Variants in ARHGAP20 observed in about 807,000 individuals in gnomAD.
ARHGAP20 encodes Rho GTPase activating protein 20, also known as rho GTPase-activating protein 20.
Under a neutral mutation model 73.7 loss-of-function variants are expected in ARHGAP20, and 34 were observed. That is an observed-to-expected ratio of 0.46 (90% CI 0.35 to 0.61). The LOEUF (loss-of-function observed/expected upper bound fraction) is 0.61. ARHGAP20 is among the 20% of genes least tolerant of loss of function. ARHGAP20 has a pLI of 0.00. For synonymous variants in ARHGAP20, 523 were observed against 518.2 expected (o/e 1.01, Z -0.13); for missense variants, 1,314 against 1,420.9 (o/e 0.92, Z 1.21).
At chr11:110,713,059 A>G (rs566230929), upstream of ARHGAP20, 9 of 152,430 alleles carry the variant, frequency 5.9e-5, no homozygotes, top group South Asian at 6.2e-4. Context: ...CGGCCCCTGC[A>G]CATTTGCACC....
rs1038478842 is a variant in ARHGAP20, at chr11:110,578,192, A to G, written c.*1178T>C. On this transcript the variant is annotated 3_prime_UTR_variant, in exon 15 of 15. Coordinates refer to ENST00000683387, the MANE Select transcript of ARHGAP20 (RefSeq NM_001384657.1). Reference sequence around the variant, plus strand: ...ATATAAAATAAACCAATGGGGTATAAGCCATGAAACATTTGGGGCAAAAAT... The same window carrying G: ...ATATAAAATAAACCAATGGGGTATAGGCCATGAAACATTTGGGGCAAAAAT... 1 of 985,388 alleles carries G rather than the reference A, an allele frequency of 1.0e-6. No homozygotes were observed. Among genetic ancestry groups the G allele is most frequent in the African/African-American group, 1.7e-5 (1 of 57,264 alleles). 61.0% of individuals were successfully genotyped at this position (985,388 alleles called of 1,614,324 possible).
intron 2 of ARHGAP20, among the ~76,000 whole-genome samples, chr11:110,688,539 A>G (rs1390034312): frequency 1.3e-5 from 2 of 152,242 alleles, no homozygotes; most frequent in African/African-American, 4.8e-5. Context: ...ATTTATTTTT[A>G]CATCTATAGT....
At chr11:110,593,290 T>C (rs1947874032) in intron 9 of ARHGAP20, among the ~76,000 whole-genome samples, 1 of 152,188 alleles carries the variant, frequency 6.6e-6, no homozygotes, top group Non-Finnish European at 1.5e-5. Flanking sequence ...TTGGTGTCAT[T>C]TGTGTCTAAT....
chr11:110,705,260 T>C (rs1049015461), intron 1 of ARHGAP20, among the ~76,000 whole-genome samples: 3 of 152,160 alleles, frequency 2.0e-5, no homozygotes, highest in Non-Finnish European at 4.4e-5. Context: ...TTCATTTCTG[T>C]AGGTACCATC....
chr11:110,627,112 G>C (rs1202154993), intron 3 of ARHGAP20, among the ~76,000 whole-genome samples: 2 of 151,932 alleles, frequency 1.3e-5, no homozygotes, highest in Non-Finnish European at 2.9e-5. Flanking sequence ...TTTTGAGACA[G>C]AGTTTCGCTC....
intron 11 of ARHGAP20, among the ~76,000 whole-genome samples, chr11:110,587,560 C>T (rs1253933457): frequency 1.3e-5 from 2 of 152,212 alleles, no homozygotes; most frequent in African/African-American, 4.8e-5. Context: ...TGCTTATGAG[C>T]TCCTCCAGGG....
At chr11:110,642,847 A>G (rs552463122) in intron 2 of ARHGAP20, among the ~76,000 whole-genome samples, 3 of 152,244 alleles carry the variant, frequency 2.0e-5, no homozygotes, top group African/African-American at 7.2e-5. Context: ...GAATAGTTTC[A>G]GTAGAACTGG....
chr11:110,659,836 T>C (rs1433616074), intron 2 of ARHGAP20, among the ~76,000 whole-genome samples: 1 of 150,326 alleles, frequency 6.7e-6, no homozygotes, highest in Non-Finnish European at 1.5e-5. Context: ...TTCTCACTCA[T>C]CGGTGGGAAC....
Position 110,606,552 on chromosome 11 carries a change from G to A in ARHGAP20, c.964+9C>T. The A allele has an allele frequency of 6.2e-7, 1 of 1,600,466 alleles. No individual in the cohort carries two copies. The highest frequency in any genetic ancestry group is 2.3e-5 in the East Asian group (1 of 43,872). ...TCAAGAACGAAAACTTTTGCTAGAA[G>A]CAACTCACCACTCAGTTGCTGGGCT... is the stretch of plus-strand genomic sequence containing the variant. On this transcript the variant is annotated intron_variant, in intron 9 of 14. Coordinates refer to ENST00000683387, the MANE Select transcript of ARHGAP20 (RefSeq NM_001384657.1).
intron 3 of ARHGAP20, among the ~76,000 whole-genome samples, chr11:110,629,723 A>T (rs1451650222): frequency 6.6e-6 from 1 of 152,212 alleles, no homozygotes; most frequent in African/African-American, 2.4e-5. Context: ...ACACGTGGAG[A>T]GGAACTCAAG....
intron 2 of ARHGAP20, among the ~76,000 whole-genome samples, chr11:110,641,613 TC>T (rs1014113553): frequency 6.6e-6 from 1 of 150,952 alleles, no homozygotes; most frequent in Non-Finnish European, 1.5e-5. Context: ...TTTGTTTTCT[TC>T]CCCCCCAACC....
At chr11:110,711,384 C>T (rs1288603828) in intron 1 of ARHGAP20, among the ~76,000 whole-genome samples, 1 of 151,788 alleles carries the variant, frequency 6.6e-6, no homozygotes, top group African/African-American at 2.4e-5. Flanking sequence ...TCCCCCACCT[C>T]AGCCCTCAGG....
chr11:110,599,995 G>A (rs1948070949), intron 9 of ARHGAP20, among the ~76,000 whole-genome samples: 1 of 152,198 alleles, frequency 6.6e-6, no homozygotes, highest in African/African-American at 2.4e-5. Context: ...CACTTGATGG[G>A]GCACCCTGGC....
rs981827528 is a variant in ARHGAP20, at chr11:110,624,674, G to A, written c.354-363C>T. ...AATTTATGGGAGTTTCTGTACTTGTGATAAAAGGACCATTTTCACTAATCA... is the reference window on the plus strand; with the variant it reads ...AATTTATGGGAGTTTCTGTACTTGTAATAAAAGGACCATTTTCACTAATCA... On this transcript the variant is annotated intron_variant, in intron 3 of 14. Coordinates refer to ENST00000683387, the MANE Select transcript of ARHGAP20 (RefSeq NM_001384657.1). 2.6e-5 allele frequency among the ~76,000 whole-genome samples: 4 copies of A among 151,994 alleles called. No individual in the cohort carries two copies. The East Asian group carries it at 7.7e-4, about 29-fold the overall frequency.
chr11:110,633,710 G>A lies in ARHGAP20; in HGVS notation c.189-2918C>T, dbSNP rs574009510. On this transcript the variant is annotated intron_variant, in intron 2 of 14. Coordinates refer to ENST00000683387, the MANE Select transcript of ARHGAP20 (RefSeq NM_001384657.1). The stretch of plus-strand genomic sequence containing the variant: ...GACATAACCCGTTGTAAGTCGAGGA[G>A]CATCTGCACATTTTAGAGATTAACA... Among the ~76,000 whole-genome samples the A allele has an allele frequency of 1.5e-3, 231 of 152,278 alleles. 5 individuals carry two copies. In the South Asian group the frequency reaches 0.029, roughly 19 times the overall value.
intron 9 of ARHGAP20, among the ~76,000 whole-genome samples, chr11:110,597,398 T>C (rs1947996542): frequency 6.6e-6 from 1 of 152,054 alleles, no homozygotes; most frequent in South Asian, 2.1e-4. Flanking sequence ...GTTTAATATA[T>C]ATGTGAATAT....
At position 110,577,163 on chromosome 11, in the gene ARHGAP20, A is replaced by G; in HGVS notation, c.*2207T>C. ...AGTTAGCAGCAGTTTCTGCAAGTACAAAAATACACATTTATTACATAACAT... is the reference window on the plus strand; with the variant it reads ...AGTTAGCAGCAGTTTCTGCAAGTACGAAAATACACATTTATTACATAACAT... On this transcript the variant is annotated 3_prime_UTR_variant, in exon 15 of 15. Coordinates refer to ENST00000683387, the MANE Select transcript of ARHGAP20 (RefSeq NM_001384657.1). The G allele has an allele frequency of 1.3e-6, 2 of 1,534,492 alleles. No individual in the cohort carries two copies. Among genetic ancestry groups the G allele is most frequent in the Non-Finnish European group, 1.7e-6 (2 of 1,146,126 alleles).
chr11:110,615,214 T>C (rs1206224471), intron 5 of ARHGAP20, among the ~76,000 whole-genome samples: 5 of 152,176 alleles, frequency 3.3e-5, no homozygotes, highest in Non-Finnish European at 5.9e-5. Flanking sequence ...CCTGCATTTA[T>C]GGAAACTTAA....
chr11:110,634,517 T>A (rs1948922641), intron 2 of ARHGAP20, among the ~76,000 whole-genome samples: 1 of 152,192 alleles, frequency 6.6e-6, no homozygotes, highest in Non-Finnish European at 1.5e-5. Context: ...GGACAAACAC[T>A]GCATTGACTC....
Sources: gnomAD v4.1 joint callset for allele counts (sites outside exome capture counted in the v4.1 genomes callset) on GRCh38, gnomAD v4.1.1 for gene constraint, MANE v1.5 for transcripts, NCBI Gene and HGNC (gene_info 2026-07-23, HGNC 2026-07-21) for gene names.